MIAT: variants seen among roughly 807,000 people sequenced by gnomAD.
The protein encoded by MIAT is MI related novel mRNA.
rs530430713 is a variant in MIAT, at chr22:26,649,774, G to T, written n.646+2463G>T. Among the ~76,000 whole-genome samples, 92 of 152,330 alleles carry T rather than the reference G, an allele frequency of 6.0e-4. No homozygotes were observed. The South Asian group carries it at 0.019, about 31-fold the overall frequency. On this transcript the variant is annotated intron_variant and non_coding_transcript_variant, in intron 2 of 5. Coordinates refer to ENST00000643270, the Ensembl canonical transcript of MIAT. ...CTAAAAATACAAAAATTAGCTGGGT[G>T]TGGTGGCATGCGCCTGTAGTCCCAG...
intron 2 of MIAT, among the ~76,000 whole-genome samples, chr22:26,656,606 C>T (rs1930464557): frequency 6.6e-6 from 1 of 152,210 alleles, no homozygotes; most frequent in Non-Finnish European, 1.5e-5. Context: ...GGGTGAGCCG[C>T]CGCGCCTGGC....
exon 5 of MIAT, chr22:26,675,877 T>C (rs1466249302): frequency 5.0e-6 from 2 of 398,544 alleles, no homozygotes; most frequent in Middle Eastern, 6.2e-4. Context: ...ATGAACCTTT[T>C]GTTCCCAGAG....
At chr22:26,672,914 T>C (rs1931106425), downstream of MIAT, 2 of 398,560 alleles carry the variant, frequency 5.0e-6, no homozygotes, top group Non-Finnish European at 8.8e-6. Context: ...GTGAGAGGAC[T>C]CTTTCCCACA....
chr22:26,667,416 ATG>A (rs1930892317), intron 5 of MIAT: 3 of 131,442 alleles, frequency 2.3e-5, no homozygotes, highest in South Asian at 5.5e-4. Flanking sequence ...GTGCGCGTGT[ATG>A]TGTGTGTATG....
At chr22:26,650,185 A>C (rs4820693) in intron 2 of MIAT, 18 of 152,152 alleles carry the variant, frequency 1.2e-4, no homozygotes, top group Non-Finnish European at 1.9e-4. Context: ...TGACAGGACC[A>C]ATGTCCTTAT....
At chr22:26,649,537 G>A (rs1376713843) in intron 2 of MIAT, among the ~76,000 whole-genome samples, 2 of 152,206 alleles carry the variant, frequency 1.3e-5, no homozygotes, top group East Asian at 1.9e-4. Flanking sequence ...TTGGATGAGG[G>A]CACATGCTTG....
chr22:26,666,876 C>G, exon 4 of MIAT: 2 of 341,816 alleles, frequency 5.9e-6, no homozygotes, highest in Non-Finnish European at 1.0e-5. Context: ...CCTGTGGGGT[C>G]TGTGTGGGGA....
At chr22:26,667,190 G>T (rs1039436299) in exon 5 of MIAT, 1 of 398,558 alleles carries the variant, frequency 2.5e-6, no homozygotes, top group African/African-American at 2.1e-5. Context: ...TTCAGCACCG[G>T]CATGGACCAA....
chr22:26,666,814 GGGTGCAGTTTTCTCCTGC>G (rs1930862695), exon 4 of MIAT: 4 of 398,972 alleles, frequency 1.0e-5, no homozygotes, highest in Non-Finnish European at 8.8e-6. Flanking sequence ...GAGGGGGCCT[GGGTGCAGTTTTCTCCTGC>G]GGTGTGGTTG....
exon 6 of MIAT, chr22:26,668,211 A>G (rs1242057108): frequency 2.5e-6 from 1 of 397,974 alleles, no homozygotes; most frequent in Non-Finnish European, 4.4e-6. Flanking sequence ...TTCTCTTTGG[A>G]CCTCGGGTGA....
intron 2 of MIAT, chr22:26,657,208 G>C (rs1185314681): frequency 6.9e-6 from 2 of 287,898 alleles, no homozygotes; most frequent in Non-Finnish European, 1.3e-5. Flanking sequence ...AATGTGGACG[G>C]GCAAGCGTTG....
At chr22:26,653,740 TC>T (rs1402140980) in intron 2 of MIAT, among the ~76,000 whole-genome samples, 3 of 152,140 alleles carry the variant, frequency 2.0e-5, no homozygotes. Flanking sequence ...CATCTGTTGA[TC>T]CCAATTCAAC....
chr22:26,667,399 CATGT>C, intron 5 of MIAT: 1 of 385,888 alleles, frequency 2.6e-6, no homozygotes, highest in Non-Finnish European at 4.5e-6. Flanking sequence ...TGCATGCGTG[CATGT>C]GTGTGCGCGT....
chr22:26,655,660 T>C (rs564628384), intron 2 of MIAT, among the ~76,000 whole-genome samples: 2 of 152,292 alleles, frequency 1.3e-5, no homozygotes, highest in South Asian at 2.1e-4. Context: ...TGGGCAGAAC[T>C]GAAATGTAAA....
intron 2 of MIAT, among the ~76,000 whole-genome samples, chr22:26,655,065 G>A (rs1017927637): frequency 1.3e-5 from 2 of 152,180 alleles, no homozygotes. Context: ...CCCTGATAGT[G>A]GGCTGCATAC....
chr22:26,673,993 T>C (rs369830773), downstream of MIAT: 37 of 398,702 alleles, frequency 9.3e-5, no homozygotes, highest in South Asian at 8.9e-4. Context: ...GCAGCTCTTA[T>C]AAACCTTAAA....
chr22:26,657,278 T>G, intron 2 of MIAT: 1 of 379,266 alleles, frequency 2.6e-6, no homozygotes, highest in East Asian at 3.8e-5. Flanking sequence ...GCTAGCCCCT[T>G]TGTGCGGCGG....
chr22:26,670,164 C>A (rs551999357), downstream of MIAT: 1 of 396,096 alleles, frequency 2.5e-6, no homozygotes, highest in East Asian at 3.6e-5. Flanking sequence ...ACTCTTTAAT[C>A]AGCTTGGGGA....
chr22:26,646,805 A>G (rs1253374240), exon 1 of MIAT: 3 of 398,500 alleles, frequency 7.5e-6, no homozygotes, highest in Admixed American at 4.4e-5. Flanking sequence ...TGTTTGTACT[A>G]TGAGGAATAA....
Sources: gnomAD v4.1 joint callset for allele counts (sites outside exome capture counted in the v4.1 genomes callset) on GRCh38, gnomAD v4.1.1 for gene constraint, MANE v1.5 for transcripts, NCBI Gene and HGNC (gene_info 2026-07-23, HGNC 2026-07-21) for gene names.